The following EEA1 variants were observed in gnomAD, a reference collection of about 807,000 sequenced individuals.
EEA1 encodes the protein early endosome antigen 1, also known as early endosome antigen 1, 162kD.
Under a neutral mutation model 209.2 loss-of-function variants are expected in EEA1, and 111 were observed. That is an observed-to-expected ratio of 0.53 (90% confidence interval 0.45 to 0.62). EEA1 has a LOEUF of 0.62. EEA1 is among the 20% of genes least tolerant of loss of function. The pLI, the probability that EEA1 is intolerant of heterozygous loss-of-function variation, is 0.00. For synonymous variants in EEA1, 536 were observed against 540.6 expected (o/e 0.99, Z 0.12); for missense variants, 1,343 against 1,530.8 (o/e 0.88, Z 2.05).
chr12:92,801,949 T>C (rs943864542), intron 19 of EEA1, among the ~76,000 whole-genome samples: 8 of 152,004 alleles, frequency 5.3e-5, no homozygotes, highest in Non-Finnish European at 1.2e-4. Flanking sequence ...AACATTAAAA[T>C]GATATCTTAG....
At chr12:92,813,129 T>C in intron 15 of EEA1, 36 bp from the exon 16 acceptor site, 4 of 1,375,216 alleles carry the variant, frequency 2.9e-6, no homozygotes, top group Non-Finnish European at 4.0e-6. Flanking sequence ...AATTTATATT[T>C]AGTTCTTGAT....
At chr12:92,838,675 C>T (rs1244931417) in intron 10 of EEA1, among the ~76,000 whole-genome samples, 2 of 152,010 alleles carry the variant, frequency 1.3e-5, no homozygotes, top group African/African-American at 2.4e-5. Context: ...AATCTGAGCA[C>T]GTGTCTGCCC....
intron 2 of EEA1, among the ~76,000 whole-genome samples, chr12:92,875,268 T>C (rs1343966186): frequency 2.6e-5 from 4 of 151,994 alleles, no homozygotes; most frequent in African/African-American, 9.7e-5. Context: ...TGGCCAATGG[T>C]CTATTAAAAA....
intron 28 of EEA1, 116 bp from the exon 29 acceptor site, chr12:92,776,249 G>A: frequency 1.1e-6 from 1 of 938,316 alleles, no homozygotes; most frequent in Non-Finnish European, 1.5e-6. Flanking sequence ...CAAGTCATTG[G>A]TATATTATTT....
chr12:92,848,428 G>A (rs1877469344), intron 9 of EEA1, among the ~76,000 whole-genome samples: 1 of 152,030 alleles, frequency 6.6e-6, no homozygotes, highest in South Asian at 2.1e-4. Context: ...GTCAAGACCA[G>A]CCTAAGCAAC....
chr12:92,880,581 T>A (rs768529460), intron 2 of EEA1, among the ~76,000 whole-genome samples: 28 of 152,122 alleles, frequency 1.8e-4, no homozygotes, highest in Non-Finnish European at 3.2e-4. Context: ...TTCTCACCAC[T>A]CTCCTGCCTC....
Position 92,894,003 on chromosome 12 carries a change from C to A in EEA1, c.25-2282G>T, listed in dbSNP as rs200370735. The stretch of plus-strand genomic sequence containing the variant: ...CTGCCATCAAGCAAGTCTATTCCTG[C>A]CATTTCTTCAAAAGCATGTGCTCAC... On this transcript the variant is annotated intron_variant, in intron 1 of 28. Transcript: ENST00000322349. Among the ~76,000 whole-genome samples the A allele has an allele frequency of 3.9e-5, 6 of 152,160 alleles. No homozygotes were observed. The East Asian group carries it at 1.2e-3, about 29-fold the overall frequency.
In EEA1 at chr12:92,842,498, T is replaced by C. The variant is rs989487042; in HGVS notation, c.882A>G (p.Lys294=). ...TTTGTGTTAATTCATTAACTGAACT[T>C]TTCAGTTTTTGTAGTTCCTGTACAT... ...AVYVQELQKL[K]SSVNELTQKN... The change falls in exon 10 of 29, where the codon AAA becomes AAG. Residue 294 remains lysine, a synonymous_variant. Transcript: ENST00000322349. The C allele has an allele frequency of 1.9e-6, 3 of 1,604,730 alleles. No individual in the cohort carries two copies. The highest frequency in any genetic ancestry group is 2.6e-6 in the Non-Finnish European group (3 of 1,174,234).
chr12:92,851,387 C>T, intron 8 of EEA1, 121 bp from the exon 9 acceptor site: 1 of 978,778 alleles, frequency 1.0e-6, no homozygotes, highest in Non-Finnish European at 1.5e-6. Flanking sequence ...AATTTTTAGA[C>T]TTCAAACATT....
chr12:92,890,749 A>C (rs916987692), intron 2 of EEA1, among the ~76,000 whole-genome samples: 1 of 152,318 alleles, frequency 6.6e-6, no homozygotes, highest in Admixed American at 6.5e-5. Flanking sequence ...CCCCTCTCGC[A>C]AATCTGTAAA....
intron 1 of EEA1, among the ~76,000 whole-genome samples, chr12:92,914,276 T>C (rs888109049): frequency 3.9e-5 from 6 of 152,070 alleles, no homozygotes; most frequent in African/African-American, 1.4e-4. Context: ...TTTGTCAACT[T>C]CATCGAATAT....
intron 18 of EEA1, among the ~76,000 whole-genome samples, chr12:92,803,044 A>G (rs1363651760): frequency 6.6e-6 from 1 of 152,058 alleles, no homozygotes; most frequent in Non-Finnish European, 1.5e-5. Flanking sequence ...ACTATGTATC[A>G]CAGACCCTCT....
At chr12:92,795,148 A>G (rs1382043089) in intron 21 of EEA1, among the ~76,000 whole-genome samples, 2 of 152,160 alleles carry the variant, frequency 1.3e-5, no homozygotes, top group East Asian at 3.8e-4. Flanking sequence ...CCATTCTGTT[A>G]TCTCATAATC....
intron 13 of EEA1, among the ~76,000 whole-genome samples, chr12:92,825,923 T>C (rs1445502572): frequency 6.7e-6 from 1 of 150,274 alleles, no homozygotes; most frequent in South Asian, 2.1e-4. Context: ...AATTAGTTTA[T>C]AATAAATATT....
At chr12:92,790,200 T>G (rs1394671772) in intron 21 of EEA1, among the ~76,000 whole-genome samples, 1 of 151,802 alleles carries the variant, frequency 6.6e-6, no homozygotes, top group Admixed American at 6.6e-5. Flanking sequence ...AAGCTGAAAA[T>G]TCTAAAAATC....
Position 92,853,966 on chromosome 12 carries a change from CA to C in EEA1, c.367-13del. 6.4e-7 allele frequency: 1 copy of C among 1,566,118 alleles called. No individual in the cohort carries two copies. Among genetic ancestry groups the C allele is most frequent in the South Asian group, 1.2e-5 (1 of 82,240 alleles). On this transcript the variant is annotated splice_polypyrimidine_tract_variant and intron_variant, in intron 5 of 28. Coordinates refer to ENST00000322349, the MANE Select transcript of EEA1 (RefSeq NM_003566.4). ...TCAGGTTTGGCCTCCTCAATTAAAACAAAAGACATAAACAAATGAATTAAAA... is the reference window on the plus strand; with the variant it reads ...TCAGGTTTGGCCTCCTCAATTAAAACAAAGACATAAACAAATGAATTAAAA...
In EEA1 at chr12:92,833,899, A is replaced by C. The variant is rs558688420; in HGVS notation, c.916-1049T>G. Reference sequence around the variant, plus strand: ...TTCTTAAGGCACAATTTTTTTAAAAAATGAGCAAAGTCAAGGGGAGCTAGC... The same window carrying C: ...TTCTTAAGGCACAATTTTTTTAAAACATGAGCAAAGTCAAGGGGAGCTAGC... On this transcript the variant is annotated intron_variant, in intron 10 of 28. Transcript: ENST00000322349. 3.9e-4 allele frequency among the ~76,000 whole-genome samples: 60 copies of C among 152,326 alleles called. No homozygotes were observed. In the South Asian group the frequency reaches 9.9e-3, roughly 25 times the overall value.
rs113291116 is a variant in EEA1 at position 92,816,333 on chromosome 12, T to A, written c.1796A>T (p.His599Leu). The A allele has an allele frequency of 1.2e-6, 2 of 1,613,924 alleles. No individual in the cohort carries two copies. Among genetic ancestry groups the A allele is most frequent in the African/African-American group, 2.7e-5 (2 of 74,926 alleles). The change falls in exon 15 of 29, where the codon CAT becomes CTT. Residue 599 changes from histidine to leucine, a missense_variant. Physicochemically the swap from His to Leu is moderately conservative, Grantham distance 99 (BLOSUM62 -3). This residue lies in a region of EEA1 where 1,307 missense variants were observed against 1,465.5 expected (regional missense o/e 0.89). Transcript: ENST00000322349. ...ESHKQAQENL[H>L]DQVQEQKAHL... is the part of the protein sequence containing the mutation. The stretch of plus-strand genomic sequence containing the variant: ...TGCCTTCTGCTCTTGTACCTGGTCA[T>A]GCAAATTCTCCTGGGCTTGTTTATG...
chr12:92,822,585 T>A (rs1338092219), intron 13 of EEA1, among the ~76,000 whole-genome samples: 1 of 152,146 alleles, frequency 6.6e-6, no homozygotes, highest in African/African-American at 2.4e-5. Flanking sequence ...CAGGTTATTC[T>A]TAATTACTCT....
Sources: gnomAD v4.1 joint callset for allele counts (sites outside exome capture counted in the v4.1 genomes callset) on GRCh38, gnomAD v4.1.1 for gene constraint, gnomAD v4.1.1 regional missense constraint, MANE v1.5 for transcripts, NCBI Gene and HGNC (gene_info 2026-07-23, HGNC 2026-07-21) for gene names.